The following CNTN4 variants were observed in gnomAD, a reference collection of about 807,000 sequenced individuals.
CNTN4 encodes contactin-4.
A neutral mutation model predicts 122.5 loss-of-function variants in CNTN4; 77 were observed. The ratio of observed to expected loss-of-function variants is 0.63; its 90% CI spans 0.52 to 0.76. The LOEUF is 0.76. CNTN4 is among the 30% of genes least tolerant of loss of function. CNTN4 has a pLI of 0.00. For synonymous variants in CNTN4, 512 were observed against 447.0 expected, an observed-to-expected ratio of 1.15 and a Z score of -1.83; for missense variants, 1,256 against 1,259.1, an observed-to-expected ratio of 1.00 and a Z score of 0.04.
At position 3,030,988 on chromosome 3, in the gene CNTN4, G is replaced by T. The variant is rs946582748; in HGVS notation, c.1783+13G>T. 6 of 1,613,792 alleles carry T rather than the reference G, an allele frequency of 3.7e-6. No homozygotes were observed. In the African/African-American group the frequency reaches 6.7e-5, roughly 18 times the overall value. On this transcript the variant is annotated intron_variant, in intron 16 of 24. Coordinates refer to ENST00000418658, the MANE Select transcript of CNTN4 (RefSeq NM_175607.3). ...CTGATTGTAAGAGGTACTGGATTTT[G>T]TTGTTATTGTTGTTCTTGAAATATT...
chr3:2,868,351 A>T (rs572109176), intron 8 of CNTN4, among the ~76,000 whole-genome samples: 1 of 152,180 alleles, frequency 6.6e-6, no homozygotes, highest in Admixed American at 6.5e-5. Flanking sequence ...CCAGAGCCTG[A>T]TATCTTAAAC....
At position 2,300,352 on chromosome 3, in the gene CNTN4, G is replaced by A. The variant is rs2042459083; in HGVS notation, c.-144-38826G>A. ...TTCAGGGTAGATTTGTATGTGTAAC[G>A]TTCTCAAAATAGAGGGGAGAATTGT... On this transcript the variant is annotated intron_variant, in intron 2 of 24. Transcript: ENST00000418658. Among the ~76,000 whole-genome samples, 3 of 151,994 alleles carry A rather than the reference G, an allele frequency of 2.0e-5. No homozygotes were observed. In the South Asian group the frequency reaches 6.2e-4, roughly 32 times the overall value.
intron 2 of CNTN4, among the ~76,000 whole-genome samples, chr3:2,198,239 G>A (rs1161733754): frequency 6.6e-6 from 1 of 151,988 alleles, no homozygotes. Flanking sequence ...CTATTAACTT[G>A]GTTGCTCTCA....
At chr3:3,043,490 C>T (rs1700347041) in intron 22 of CNTN4, 102 bp from the exon 23 acceptor site, 1 of 836,498 alleles carries the variant, frequency 1.2e-6, no homozygotes, top group Non-Finnish European at 2.0e-6. Flanking sequence ...GTGCAATAGC[C>T]CATTAAATTG....
chr3:2,468,291 A>G (rs1365365899), intron 3 of CNTN4, among the ~76,000 whole-genome samples: 5 of 152,148 alleles, frequency 3.3e-5, no homozygotes, highest in African/African-American at 1.2e-4. Flanking sequence ...ATTTTCAGGA[A>G]TTTCCTCGAG....
intron 6 of CNTN4, among the ~76,000 whole-genome samples, chr3:2,785,898 C>CCCCA (rs1383179627): frequency 8.0e-6 from 1 of 125,756 alleles, no homozygotes; most frequent in African/African-American, 2.8e-5. Context: ...CCACGCTGCC[C>CCCCA]CCCCCCGCCC....
intron 2 of CNTN4, among the ~76,000 whole-genome samples, chr3:2,226,519 A>G (rs2039289706): frequency 6.6e-6 from 1 of 152,116 alleles, no homozygotes; most frequent in Admixed American, 6.5e-5. Context: ...CAGCACCTTA[A>G]TTATTAGCTG....
chr3:2,922,447 T>C (rs2094437700), intron 12 of CNTN4, among the ~76,000 whole-genome samples: 1 of 151,984 alleles, frequency 6.6e-6, no homozygotes, highest in Non-Finnish European at 1.5e-5. Flanking sequence ...TGGGAGAATG[T>C]TAAGAAATCC....
chr3:2,563,905 A>G (rs146301994), intron 3 of CNTN4, among the ~76,000 whole-genome samples: 121 of 152,186 alleles, frequency 8.0e-4, no homozygotes, highest in African/African-American at 2.8e-3. Flanking sequence ...GTAACTCAGA[A>G]AAAACAAGTA....
intron 2 of CNTN4, among the ~76,000 whole-genome samples, chr3:2,120,399 A>ATTTT (rs2033680481): frequency 3.3e-5 from 1 of 30,764 alleles, no homozygotes; most frequent in African/African-American, 9.6e-5. Context: ...ATATATATAT[A>ATTTT]TATATATTTT....
chr3:3,022,627 A>C (rs1698399251), intron 14 of CNTN4, among the ~76,000 whole-genome samples: 1 of 152,174 alleles, frequency 6.6e-6, no homozygotes, highest in Non-Finnish European at 1.5e-5. Context: ...AATAATGGTT[A>C]ATAATTAACT....
At chr3:2,238,585 G>A (rs1302863037) in intron 2 of CNTN4, among the ~76,000 whole-genome samples, 1 of 151,376 alleles carries the variant, frequency 6.6e-6, no homozygotes, top group Non-Finnish European at 1.5e-5. Flanking sequence ...CTATTTATTT[G>A]GCTTTAAATA....
chr3:2,109,198 G>C (rs1300546104), intron 2 of CNTN4, among the ~76,000 whole-genome samples: 1 of 152,062 alleles, frequency 6.6e-6, no homozygotes, highest in African/African-American at 2.4e-5. Flanking sequence ...CCATGTTTAG[G>C]CAAGGTCAGT....
chr3:2,585,282 G>A (rs1295600542), intron 4 of CNTN4, among the ~76,000 whole-genome samples: 2 of 151,726 alleles, frequency 1.3e-5, no homozygotes, highest in East Asian at 2.0e-4. Flanking sequence ...TCAGAGTGGC[G>A]ATTCCTCAGG....
At chr3:2,920,487 C>G (rs2094417742) in intron 12 of CNTN4, among the ~76,000 whole-genome samples, 2 of 151,500 alleles carry the variant, frequency 1.3e-5, no homozygotes, top group South Asian at 4.2e-4. Flanking sequence ...AAGATGTAAC[C>G]ATTGGGGGAG....
At chr3:2,241,653 C>T (rs1153516) in intron 2 of CNTN4, among the ~76,000 whole-genome samples, 16,948 of 152,188 alleles carry the variant, frequency 0.11, 1,480 homozygotes, top group African/African-American at 0.24. Flanking sequence ...GGAGCTCATC[C>T]AGAACACATT....
intron 24 of CNTN4, 32 bp downstream of exon 24, chr3:3,054,007 T>C (rs1701535676): frequency 1.9e-6 from 3 of 1,610,490 alleles, no homozygotes; most frequent in Non-Finnish European, 2.5e-6. Context: ...CCTTTTCTCC[T>C]GCCTGTCTTA....
chr3:2,416,268 A>G (rs1227567615), intron 3 of CNTN4, among the ~76,000 whole-genome samples: 1 of 152,206 alleles, frequency 6.6e-6, no homozygotes, highest in Non-Finnish European at 1.5e-5. Context: ...GATGTTTAAT[A>G]GATTGTGTCA....
intron 2 of CNTN4, among the ~76,000 whole-genome samples, chr3:2,310,723 A>G (rs948895881): frequency 1.3e-5 from 2 of 152,138 alleles, no homozygotes; most frequent in Non-Finnish European, 2.9e-5. Context: ...TAAAATTACC[A>G]TGATTATCTG....
Sources: gnomAD v4.1 joint callset for allele counts (sites outside exome capture counted in the v4.1 genomes callset) on GRCh38, gnomAD v4.1.1 for gene constraint, MANE v1.5 for transcripts, NCBI Gene and HGNC (gene_info 2026-07-23, HGNC 2026-07-21) for gene names.